WDR72: variants seen among roughly 807,000 people sequenced by gnomAD.
WDR72 encodes WD repeat domain 72.
WDR72 carries 120 observed loss-of-function variants against 124.2 expected under a neutral mutation model. The observed-to-expected ratio is 0.97, with a 90% confidence interval of 0.83 to 1.12. The LOEUF (loss-of-function observed/expected upper bound fraction) is 1.12, where lower values mean the gene tolerates loss of function less well. Ranked by LOEUF, WDR72 falls within the 50% of genes most tolerant of loss-of-function variation. WDR72 has a pLI of 0.00. For synonymous variants in WDR72, 452 were observed against 441.7 expected (o/e 1.02, Z -0.29); for missense variants, 1,387 against 1,278.8 (o/e 1.08, Z -1.29).
intron 13 of WDR72, among the ~76,000 whole-genome samples, chr15:53,683,168 A>G (rs2016459564): frequency 6.6e-6 from 1 of 152,118 alleles, no homozygotes; most frequent in South Asian, 2.1e-4. Context: ...CCTTCCCTTG[A>G]CACACAGAGA....
At position 53,745,424 on chromosome 15, in the gene WDR72, T is replaced by C. The variant is rs193010909; in HGVS notation, c.-12-12263A>G. Among the ~76,000 whole-genome samples the C allele has an allele frequency of 2.9e-3, 445 of 152,334 alleles. 6 individuals carry two copies. The highest frequency in any genetic ancestry group is 0.01 in the African/African-American group (436 of 41,578). ...TCTTGAAAATACTGTGGCTATATGC[T>C]GGAATATTTGGCCATGAAAATATAC... is the stretch of plus-strand genomic sequence containing the variant. On this transcript the variant is annotated intron_variant, in intron 1 of 19. Transcript: ENST00000360509.
At chr15:53,560,425 T>C (rs1894087235) in intron 18 of WDR72, among the ~76,000 whole-genome samples, 1 of 151,866 alleles carries the variant, frequency 6.6e-6, no homozygotes, top group African/African-American at 2.4e-5. Context: ...TACGAGCAAC[T>C]CTTTTAACTG....
Position 53,729,696 on chromosome 15 carries a change from T to A in WDR72, c.153+3301A>T, listed in dbSNP as rs1433133987. ...CTGTGTTTGCAAACTCACCTTCAAC[T>A]CCTGTGCATTCTTTAGAACTCAGCT... is the stretch of plus-strand genomic sequence containing the variant. On this transcript the variant is annotated intron_variant, in intron 2 of 19. Coordinates refer to ENST00000360509, the MANE Select transcript of WDR72 (RefSeq NM_182758.4). Among the ~76,000 whole-genome samples the A allele has an allele frequency of 2.0e-5, 3 of 152,074 alleles. No homozygotes were observed. In the East Asian group the frequency reaches 5.8e-4, roughly 29 times the overall value.
intron 18 of WDR72, among the ~76,000 whole-genome samples, chr15:53,546,744 C>G (rs1487106064): frequency 6.6e-6 from 1 of 151,888 alleles, no homozygotes; most frequent in East Asian, 1.9e-4. Context: ...AAACCACTAA[C>G]AAATCTAATC....
intron 18 of WDR72, among the ~76,000 whole-genome samples, chr15:53,526,648 A>G (rs1892134869): frequency 6.6e-6 from 1 of 152,056 alleles, no homozygotes; most frequent in African/African-American, 2.4e-5. Context: ...TTTACTATAC[A>G]TATTGACTTT....
chr15:53,632,496 C>T (rs2014470625), intron 14 of WDR72, among the ~76,000 whole-genome samples: 3 of 152,018 alleles, frequency 2.0e-5, no homozygotes, highest in Admixed American at 2.0e-4. Flanking sequence ...GGGTTGAAGC[C>T]CCTACATCTA....
At chr15:53,656,949 G>C (rs1054748067) in intron 14 of WDR72, among the ~76,000 whole-genome samples, 1 of 151,996 alleles carries the variant, frequency 6.6e-6, no homozygotes, top group African/African-American at 2.4e-5. Flanking sequence ...TTAACAAATT[G>C]TGAGAGGCTA....
chr15:53,610,813 T>C lies in WDR72; in HGVS notation c.2873-1221A>G, dbSNP rs75973218. 2.3e-3 allele frequency among the ~76,000 whole-genome samples: 354 copies of C among 152,254 alleles called. 1 individual carries two copies. The highest frequency in any genetic ancestry group is 4.1e-3 in the Non-Finnish European group (282 of 68,008). On this transcript the variant is annotated intron_variant, in intron 16 of 19. Transcript: ENST00000360509. ...TTTTGACATGTTTTCCATTTCTTCA[T>C]GAACACAGCAGGTAAGAGAACATTT...
At chr15:53,680,851 A>C (rs2016356284) in intron 13 of WDR72, among the ~76,000 whole-genome samples, 3 of 152,200 alleles carry the variant, frequency 2.0e-5, no homozygotes, top group Admixed American at 2.0e-4. Flanking sequence ...TGCTTCCCCC[A>C]AATGTGAAAA....
chr15:53,737,704 C>T (rs963271833), intron 1 of WDR72, among the ~76,000 whole-genome samples: 2 of 151,948 alleles, frequency 1.3e-5, no homozygotes, highest in African/African-American at 2.4e-5. Flanking sequence ...AACTGTGACA[C>T]GGAGAGATTT....
chr15:53,667,889 G>T (rs1014353400), intron 13 of WDR72, among the ~76,000 whole-genome samples: 1 of 151,958 alleles, frequency 6.6e-6, no homozygotes, highest in African/African-American at 2.4e-5. Flanking sequence ...TATTTTTTTA[G>T]TGATGAAAAC....
chr15:53,692,599 T>C (rs1461410), intron 13 of WDR72, among the ~76,000 whole-genome samples: 85,470 of 151,976 alleles, frequency 0.56, 24,631 homozygotes, highest in East Asian at 0.75. Flanking sequence ...CCTCTGGACA[T>C]TGTCGCCTAC....
chr15:53,601,596 G>C (rs1218286132), intron 17 of WDR72, among the ~76,000 whole-genome samples: 7 of 146,898 alleles, frequency 4.8e-5, no homozygotes, highest in African/African-American at 1.9e-4. Flanking sequence ...CTATCGGTAT[G>C]TCGTCTTCAA....
At chr15:53,677,980 T>C (rs1472102073) in intron 13 of WDR72, among the ~76,000 whole-genome samples, 1 of 152,090 alleles carries the variant, frequency 6.6e-6, no homozygotes, top group East Asian at 1.9e-4. Context: ...GGGAGGGTGA[T>C]TAGGGAAAGT....
intron 14 of WDR72, among the ~76,000 whole-genome samples, chr15:53,633,051 G>C (rs1440669727): frequency 1.3e-5 from 2 of 152,148 alleles, no homozygotes; most frequent in Non-Finnish European, 2.9e-5. Flanking sequence ...TACAATGTGA[G>C]AAGGAGATGA....
intron 18 of WDR72, among the ~76,000 whole-genome samples, chr15:53,543,013 A>G (rs886424263): frequency 4.6e-5 from 7 of 151,702 alleles, no homozygotes; most frequent in African/African-American, 1.7e-4. Flanking sequence ...AGTGACCTAC[A>G]AAGAGACTTA....
chr15:53,674,929 G>A (rs1467903904), intron 13 of WDR72, among the ~76,000 whole-genome samples: 10 of 151,992 alleles, frequency 6.6e-5, no homozygotes, highest in South Asian at 4.1e-4. Flanking sequence ...GAGGTGTGGC[G>A]GGGGACAATT....
At chr15:53,595,015 T>C (rs1172415858) in intron 18 of WDR72, among the ~76,000 whole-genome samples, 2 of 152,128 alleles carry the variant, frequency 1.3e-5, no homozygotes. Flanking sequence ...GTAGTTAATA[T>C]TTTCCTGCAG....
At chr15:53,521,769 T>A (rs986337126) in intron 19 of WDR72, among the ~76,000 whole-genome samples, 1 of 152,046 alleles carries the variant, frequency 6.6e-6, no homozygotes, top group Admixed American at 6.6e-5. Flanking sequence ...TTTACCTGTC[T>A]GACAAAATGA....
Sources: gnomAD v4.1 joint callset for allele counts (sites outside exome capture counted in the v4.1 genomes callset) on GRCh38, gnomAD v4.1.1 for gene constraint, MANE v1.5 for transcripts, NCBI Gene and HGNC (gene_info 2026-07-23, HGNC 2026-07-21) for gene names.